Variants in TRAF3 observed in about 807,000 individuals in gnomAD.
TRAF3 encodes TNF receptor associated factor 3.
TRAF3 carries 13 observed loss-of-function variants against 62.3 expected under a neutral mutation model. That is an observed-to-expected ratio of 0.21 (90% CI 0.14 to 0.33). TRAF3 has a LOEUF of 0.33. TRAF3 is among the 10% of genes least tolerant of loss of function. TRAF3 has a pLI of 1.00. For synonymous variants in TRAF3, 269 were observed against 283.4 expected (o/e 0.95, Z 0.51); for missense variants, 440 against 741.8 (o/e 0.59, Z 4.73).
At chr14:102,878,850 G>A (rs1888872581) in intron 6 of TRAF3, among the ~76,000 whole-genome samples, 3 of 152,120 alleles carry the variant, frequency 2.0e-5, no homozygotes, top group African/African-American at 4.8e-5. Context: ...AACTGGGAGG[G>A]TGAGAGGGGC....
At chr14:102,789,594 ATGTGTGTGTG>A (rs56383846) in intron 1 of TRAF3, among the ~76,000 whole-genome samples, 7 of 148,684 alleles carry the variant, frequency 4.7e-5, no homozygotes, top group Admixed American at 1.3e-4. Flanking sequence ...AAAAGGATAT[ATGTGTGTGTG>A]TGTGTGTGTG....
rs563718113 is a variant in TRAF3 at position 102,825,581 on chromosome 14, C to G, written c.-156-4753C>G. Among the ~76,000 whole-genome samples the G allele has an allele frequency of 2.0e-5, 3 of 152,326 alleles. No homozygotes were observed. In the South Asian group the frequency reaches 6.2e-4, roughly 32 times the overall value. ...GTGGGACCTTCCCACTGCTCGAGAT[C>G]CCCCACGGAGAGCCCACTCAGGCTA... On this transcript the variant is annotated intron_variant, in intron 1 of 11. Coordinates refer to ENST00000392745, the MANE Select transcript of TRAF3 (RefSeq NM_145725.3).
intron 7 of TRAF3, among the ~76,000 whole-genome samples, chr14:102,889,064 A>G (rs1889563668): frequency 6.6e-6 from 1 of 152,204 alleles, no homozygotes; most frequent in Non-Finnish European, 1.5e-5. Flanking sequence ...GATGAAGGAA[A>G]AACTCATCTG....
At chr14:102,822,260 GATGGT>G (rs1299062095) in intron 1 of TRAF3, among the ~76,000 whole-genome samples, 5 of 152,162 alleles carry the variant, frequency 3.3e-5, no homozygotes, top group Non-Finnish European at 7.3e-5. Context: ...TAGCACTTTA[GATGGT>G]ATCATAACTT....
At chr14:102,818,361 CCTT>C in intron 1 of TRAF3, among the ~76,000 whole-genome samples, 1 of 152,276 alleles carries the variant, frequency 6.6e-6, no homozygotes, top group South Asian at 2.1e-4. Context: ...AGTTCTTCAG[CCTT>C]CTTAGTAGAA....
At chr14:102,887,984 C>T (rs1407665085) in intron 7 of TRAF3, among the ~76,000 whole-genome samples, 1 of 152,122 alleles carries the variant, frequency 6.6e-6, no homozygotes, top group Non-Finnish European at 1.5e-5. Context: ...ATTCTTGCCC[C>T]TATTCCAGAG....
At chr14:102,845,266 A>G (rs1318184432) in intron 2 of TRAF3, among the ~76,000 whole-genome samples, 1 of 149,722 alleles carries the variant, frequency 6.7e-6, no homozygotes, top group Non-Finnish European at 1.5e-5. Flanking sequence ...ACAGTGGTGC[A>G]ATCTTGGCTC....
rs11846158 is a variant in TRAF3, at chr14:102,826,622, A to G, written c.-156-3712A>G. Among the ~76,000 whole-genome samples, 60,630 of 152,062 alleles carry G rather than the reference A, an allele frequency of 0.4. 16,228 individuals carry two copies. Among genetic ancestry groups the G allele is most frequent in the African/African-American group, 0.76 (31,490 of 41,476 alleles). On this transcript the variant is annotated intron_variant, in intron 1 of 11. Transcript: ENST00000392745. The surrounding 1 kb of genome is among the most constrained non-coding windows in gnomAD (Gnocchi z 4.6). ...CATCAGAGAACAGCATAACATTGGC[A>G]GAGGTCTGACATGTCATTTCCTGTT...
chr14:102,849,751 A>G (rs1260026301), intron 2 of TRAF3, among the ~76,000 whole-genome samples: 1 of 152,214 alleles, frequency 6.6e-6, no homozygotes, highest in African/African-American at 2.4e-5. Flanking sequence ...ATTTGGCATC[A>G]GGTACCAGGA....
intron 1 of TRAF3, among the ~76,000 whole-genome samples, chr14:102,789,860 C>T (rs1227484201): frequency 6.6e-6 from 1 of 151,552 alleles, no homozygotes; most frequent in Non-Finnish European, 1.5e-5. Flanking sequence ...CCTTCTGTTG[C>T]CCAGGCTGGA....
chr14:102,810,241 G>A (rs142045159), intron 1 of TRAF3, among the ~76,000 whole-genome samples: 1,828 of 152,254 alleles, frequency 0.012, 17 homozygotes, highest in Non-Finnish European at 0.018. Context: ...TGATCTTGAG[G>A]GGATTTGGGT....
chr14:102,856,870 A>G (rs1487262781), intron 2 of TRAF3, among the ~76,000 whole-genome samples: 1 of 152,226 alleles, frequency 6.6e-6, no homozygotes, highest in Non-Finnish European at 1.5e-5. Flanking sequence ...AGAAGAGCTC[A>G]GTCAGAAAGC....
intron 1 of TRAF3, among the ~76,000 whole-genome samples, chr14:102,792,588 T>TA (rs1396074650): frequency 6.6e-6 from 1 of 151,690 alleles, no homozygotes; most frequent in Non-Finnish European, 1.5e-5. Context: ...TTTTTTTTTT[T>TA]AATGGAAGGT....
intron 6 of TRAF3, among the ~76,000 whole-genome samples, chr14:102,883,904 T>C (rs1158303834): frequency 6.6e-6 from 1 of 152,202 alleles, no homozygotes; most frequent in Non-Finnish European, 1.5e-5. Context: ...TGTGCACATA[T>C]ATGTTTGTGT....
At chr14:102,899,907 C>T (rs975281228) in intron 10 of TRAF3, among the ~76,000 whole-genome samples, 2 of 152,162 alleles carry the variant, frequency 1.3e-5, no homozygotes, top group Non-Finnish European at 2.9e-5. Flanking sequence ...AGGCCGGATG[C>T]AGTGGCTCAC....
intron 1 of TRAF3, among the ~76,000 whole-genome samples, chr14:102,812,923 A>G (rs1899285846): frequency 2.0e-5 from 3 of 152,118 alleles, no homozygotes; most frequent in Admixed American, 2.0e-4. Flanking sequence ...CGTCTCAAAA[A>G]AAAAAAAGTT....
intron 9 of TRAF3, among the ~76,000 whole-genome samples, chr14:102,892,271 T>A (rs1376778369): frequency 1.3e-5 from 2 of 152,220 alleles, no homozygotes; most frequent in African/African-American, 4.8e-5. Context: ...TTGGTCAGGC[T>A]GGTCTCAAAC....
In TRAF3 at chr14:102,792,954, C is replaced by T. The variant is rs146318288; in HGVS notation, c.-157+15279C>T. 4.3e-3 allele frequency among the ~76,000 whole-genome samples: 659 copies of T among 151,924 alleles called. 4 individuals carry two copies. The highest frequency in any genetic ancestry group is 0.015 in the African/African-American group (618 of 41,430). ...CCTCCCCAGTAGCTGGGATTACAGG[C>T]ATGCACCATCATGCCTGGCTAATTT... is the stretch of plus-strand genomic sequence containing the variant. On this transcript the variant is annotated intron_variant, in intron 1 of 11. Coordinates refer to ENST00000392745, the MANE Select transcript of TRAF3 (RefSeq NM_145725.3).
At chr14:102,819,104 A>G (rs1213209578) in intron 1 of TRAF3, among the ~76,000 whole-genome samples, 1 of 150,644 alleles carries the variant, frequency 6.6e-6, no homozygotes, top group Non-Finnish European at 1.5e-5. Context: ...AAAAAATCCC[A>G]ACTCTTCCAT....
Sources: gnomAD v4.1 joint callset for allele counts (sites outside exome capture counted in the v4.1 genomes callset) on GRCh38, gnomAD v4.1.1 for gene constraint, Gnocchi (gnomAD v3.1) non-coding constraint, MANE v1.5 for transcripts, NCBI Gene and HGNC (gene_info 2026-07-23, HGNC 2026-07-21) for gene names.